FHIT: variants seen among roughly 807,000 people sequenced by gnomAD.
The protein encoded by FHIT is bis(5'-adenosyl)-triphosphatase.
In FHIT, 19 loss-of-function variants were observed where a neutral mutation model predicts 17.9. The observed-to-expected ratio is 1.06, with a 90% CI of 0.74 to 1.56. The LOEUF (loss-of-function observed/expected upper bound fraction) is 1.56. FHIT is among the 40% of genes most tolerant of loss of function. FHIT has a pLI of 0.00. For synonymous variants in FHIT, 81 were observed against 69.7 expected (o/e 1.16, Z -0.81); for missense variants, 248 against 189.2 (o/e 1.31, Z -1.82).
intron 7 of FHIT, 136 bp downstream of exon 7, chr3:60,011,235 C>G (rs994639813): frequency 3.4e-5 from 25 of 741,684 alleles, no homozygotes; most frequent in Non-Finnish European, 5.7e-5. Flanking sequence ...GGATTTACGG[C>G]TCTAACACTG....
intron 3 of FHIT, among the ~76,000 whole-genome samples, chr3:61,010,191 C>A (rs1325093552): frequency 1.3e-5 from 2 of 151,398 alleles, no homozygotes; most frequent in African/African-American, 4.9e-5. Flanking sequence ...CATTCCTACA[C>A]TTGATTACCA....
chr3:60,603,707 T>A (rs1274954689), intron 4 of FHIT, among the ~76,000 whole-genome samples: 6 of 152,108 alleles, frequency 3.9e-5, no homozygotes, highest in South Asian at 2.1e-4. Flanking sequence ...ATAAAGTGCC[T>A]CTCTGGGTAA....
intron 8 of FHIT, among the ~76,000 whole-genome samples, chr3:59,755,304 T>G (rs1478281403): frequency 6.6e-6 from 1 of 152,158 alleles, no homozygotes; most frequent in East Asian, 1.9e-4. Flanking sequence ...TCTGCAGAAA[T>G]AGGGAGCCTG....
chr3:59,904,086 C>G (rs1201376442), intron 8 of FHIT, among the ~76,000 whole-genome samples: 1 of 146,792 alleles, frequency 6.8e-6, no homozygotes, highest in Non-Finnish European at 1.5e-5. Context: ...TCCCCCACAC[C>G]CCCCCGCCCC....
At chr3:59,859,151 G>C (rs1490980944) in intron 8 of FHIT, among the ~76,000 whole-genome samples, 3 of 152,152 alleles carry the variant, frequency 2.0e-5, no homozygotes, top group Non-Finnish European at 4.4e-5. Flanking sequence ...AGAATATAAA[G>C]AAATGCTCAA....
intron 5 of FHIT, among the ~76,000 whole-genome samples, chr3:60,238,633 T>C (rs567639342): frequency 2.0e-5 from 3 of 152,258 alleles, no homozygotes; most frequent in East Asian, 1.9e-4. Flanking sequence ...TCTGAAAGTA[T>C]AGAATGATCG....
At chr3:60,426,016 G>C (rs574165412) in intron 5 of FHIT, among the ~76,000 whole-genome samples, 1 of 152,088 alleles carries the variant, frequency 6.6e-6, no homozygotes, top group Non-Finnish European at 1.5e-5. Context: ...GTGTCACAAG[G>C]CCTCACACAA....
intron 8 of FHIT, among the ~76,000 whole-genome samples, chr3:59,866,193 G>C (rs10222574): frequency 2.6e-5 from 4 of 152,066 alleles, no homozygotes; most frequent in African/African-American, 9.7e-5. Flanking sequence ...CTGGGGTTTG[G>C]TGGGGAATCT....
intron 5 of FHIT, among the ~76,000 whole-genome samples, chr3:60,144,395 T>G (rs1230276530): frequency 6.6e-6 from 1 of 152,172 alleles, no homozygotes; most frequent in East Asian, 1.9e-4. Flanking sequence ...TTTATTCATT[T>G]CTCCAACCAA....
intron 2 of FHIT, among the ~76,000 whole-genome samples, chr3:61,111,976 A>C (rs890384421): frequency 1.3e-5 from 2 of 152,160 alleles, no homozygotes; most frequent in African/African-American, 4.8e-5. Context: ...CTTTGCAGGC[A>C]TGGGCACATT....
At chr3:59,770,598 G>A (rs774836880) in intron 8 of FHIT, among the ~76,000 whole-genome samples, 3 of 152,196 alleles carry the variant, frequency 2.0e-5, no homozygotes, top group Non-Finnish European at 2.9e-5. Context: ...CAGCTCTGCT[G>A]ACACCTTCAC....
chr3:59,804,332 T>C (rs1254956492), intron 8 of FHIT, among the ~76,000 whole-genome samples: 3 of 152,226 alleles, frequency 2.0e-5, no homozygotes, highest in Non-Finnish European at 2.9e-5. Flanking sequence ...TCAAGGTCAA[T>C]AGCTGTCTGT....
intron 4 of FHIT, among the ~76,000 whole-genome samples, chr3:60,684,870 T>C (rs926848234): frequency 3.9e-5 from 6 of 152,162 alleles, no homozygotes; most frequent in Non-Finnish European, 5.9e-5. Context: ...CTCCAAAATA[T>C]GTTGCTCTAG....
chr3:61,106,537 T>C (rs1303015491), intron 2 of FHIT, among the ~76,000 whole-genome samples: 1 of 152,170 alleles, frequency 6.6e-6, no homozygotes, highest in Non-Finnish European at 1.5e-5. Context: ...AATTAATTAA[T>C]TTTTTAATAG....
At chr3:60,878,270 G>A (rs1436611058) in intron 3 of FHIT, among the ~76,000 whole-genome samples, 1 of 152,014 alleles carries the variant, frequency 6.6e-6, no homozygotes, top group African/African-American at 2.4e-5. Flanking sequence ...GGACCCAAGA[G>A]CCACAATAGG....
intron 1 of FHIT, among the ~76,000 whole-genome samples, chr3:61,235,701 C>CA (rs199864714): frequency 0.12 from 17,064 of 145,328 alleles, 1,161 homozygotes; most frequent in South Asian, 0.22. Context: ...GACTCTGTCT[C>CA]AAAAAAAAAA....
chr3:60,093,108 C>T (rs1384519346), intron 5 of FHIT, among the ~76,000 whole-genome samples: 1 of 152,166 alleles, frequency 6.6e-6, no homozygotes, highest in Non-Finnish European at 1.5e-5. Context: ...TTAGTGGCTT[C>T]AAACCACACC....
intron 5 of FHIT, among the ~76,000 whole-genome samples, chr3:60,413,522 T>C (rs1702139647): frequency 6.6e-6 from 1 of 152,180 alleles, no homozygotes; most frequent in Non-Finnish European, 1.5e-5. Context: ...ATATACCACA[T>C]GTTCATTTCT....
At chr3:60,711,628 G>A (rs1428425726) in intron 4 of FHIT, among the ~76,000 whole-genome samples, 16 of 152,238 alleles carry the variant, frequency 1.1e-4, no homozygotes, top group African/African-American at 3.9e-4. Flanking sequence ...CGTGAAGAAT[G>A]CAGAGGCCTC....
Sources: gnomAD v4.1 joint callset for allele counts (sites outside exome capture counted in the v4.1 genomes callset) on GRCh38, gnomAD v4.1.1 for gene constraint, MANE v1.5 for transcripts, NCBI Gene and HGNC (gene_info 2026-07-23, HGNC 2026-07-21) for gene names.